PRKCZ: variants seen among roughly 807,000 people sequenced by gnomAD.
PRKCZ encodes the protein protein kinase C zeta type.
PRKCZ carries 33 observed loss-of-function variants against 79.5 expected under a neutral mutation model. That is an observed-to-expected ratio of 0.41 (90% CI 0.31 to 0.55). The LOEUF is 0.55. Ranked by LOEUF, PRKCZ falls within the 20% of genes least tolerant of loss-of-function variation. The probability of loss-of-function intolerance (pLI) is 0.19; values close to 1 mark genes in which losing one functional copy is unlikely to be tolerated. For missense variants in PRKCZ, 578 were observed against 813.5 expected (o/e 0.71, Z 3.52); for synonymous variants, 342 against 320.9 (o/e 1.07, Z -0.70).
In PRKCZ at chr1:2,119,789, CT is replaced by C. The variant is rs61129873; in HGVS notation, c.335-15459del. Among the ~76,000 whole-genome samples, 460 of 136,382 alleles carry C rather than the reference CT, an allele frequency of 3.4e-3. 1 individual carries two copies. Among genetic ancestry groups the C allele is most frequent in the Non-Finnish European group, 4.4e-3 (281 of 64,208 alleles). The allele number at this position is 136,382 out of a possible 152,430, so 89.5% of individuals were successfully genotyped here. A position where few individuals can be genotyped will look rare whatever the true frequency, so the allele number is the denominator to read the frequency against. ...TAATTCTTTTTATTTCTTTTCTTTT[CT>C]TTTTTTTTTTTTTGAGATGGATTTT... On this transcript the variant is annotated intron_variant, in intron 4 of 17. Coordinates refer to ENST00000378567, the MANE Select transcript of PRKCZ (RefSeq NM_002744.6).
At chr1:2,095,015 C>T (rs1666210587) in intron 4 of PRKCZ, among the ~76,000 whole-genome samples, 1 of 152,176 alleles carries the variant, frequency 6.6e-6, no homozygotes, top group African/African-American at 2.4e-5. Flanking sequence ...CAGACACTGA[C>T]TGTCACCCCA....
At chr1:2,085,325 C>T (rs996779688) in intron 4 of PRKCZ, among the ~76,000 whole-genome samples, 4 of 152,236 alleles carry the variant, frequency 2.6e-5, no homozygotes, top group Admixed American at 2.6e-4. Context: ...TGGCCCCGAG[C>T]CAGCAGCTTT....
At chr1:2,063,106 CT>C (rs1331560087) in intron 4 of PRKCZ, among the ~76,000 whole-genome samples, 1 of 152,118 alleles carries the variant, frequency 6.6e-6, no homozygotes, top group Non-Finnish European at 1.5e-5. Flanking sequence ...TCACAGTCTC[CT>C]TCCTTCTCAA....
intron 4 of PRKCZ, chr1:2,074,025 T>A (rs1661920152): frequency 2.1e-6 from 3 of 1,432,870 alleles, no homozygotes; most frequent in Non-Finnish European, 2.7e-6. Flanking sequence ...GGTGCCCGAG[T>A]CAGCATTTTG....
At chr1:2,073,819 G>A in intron 4 of PRKCZ, 1 of 1,034,298 alleles carries the variant, frequency 9.7e-7, no homozygotes, top group Non-Finnish European at 1.2e-6. Flanking sequence ...CGGGGCCGGA[G>A]GCGAGCCGAC....
intron 4 of PRKCZ, among the ~76,000 whole-genome samples, chr1:2,079,238 G>A (rs966262048): frequency 2.0e-5 from 3 of 152,208 alleles, no homozygotes; most frequent in South Asian, 2.1e-4. Context: ...GAAGCACCGC[G>A]GTATCATGTG....
chr1:2,108,937 CCCGCCTTCTCCGGCGTCTGAAG>C (rs1669150878), intron 4 of PRKCZ, among the ~76,000 whole-genome samples: 1 of 152,178 alleles, frequency 6.6e-6, no homozygotes, highest in Non-Finnish European at 1.5e-5. Context: ...GACCCCGTTT[CCCGCCTTCTCCGGCGTCTGAAG>C]CCGCCTGCCC....
intron 4 of PRKCZ, among the ~76,000 whole-genome samples, chr1:2,130,064 G>A (rs909369369): frequency 2.0e-5 from 3 of 151,986 alleles, no homozygotes; most frequent in African/African-American, 7.3e-5. Flanking sequence ...CACCACACTC[G>A]GCTCATTTTT....
chr1:2,118,579 C>T (rs529031312), intron 4 of PRKCZ, among the ~76,000 whole-genome samples: 25 of 152,116 alleles, frequency 1.6e-4, no homozygotes, highest in Middle Eastern at 3.4e-3. Context: ...CCTCCTGATC[C>T]GCCTGCTTCG....
intron 4 of PRKCZ, among the ~76,000 whole-genome samples, chr1:2,110,118 G>A (rs997006103): frequency 1.1e-4 from 10 of 95,234 alleles, no homozygotes; most frequent in African/African-American, 4.4e-4. Context: ...GGCTGAATCC[G>A]GGGCCCTCCC....
chr1:2,143,334 T>G (rs962551056), intron 5 of PRKCZ: 13 of 152,376 alleles, frequency 8.5e-5, no homozygotes, highest in African/African-American at 3.1e-4. Flanking sequence ...CGGCCTATAT[T>G]TCCTCGTCTT....
In PRKCZ at chr1:2,185,161, T is replaced by G; in HGVS notation, c.*152T>G. On this transcript the variant is annotated 3_prime_UTR_variant, in exon 18 of 18. Coordinates refer to ENST00000378567, the MANE Select transcript of PRKCZ (RefSeq NM_002744.6). ...CGCAGAGGGAAGCGTCAGCGGGCGC[T>G]GCTGGGAGCAGAACAGTCCCTCACA... 1 of 778,838 alleles carries G rather than the reference T, an allele frequency of 1.3e-6. No homozygotes were observed. The highest frequency in any genetic ancestry group is 2.1e-5 in the Admixed American group (1 of 48,098). The allele number at this position is 778,838 out of a possible 1,614,324, so 48.2% of individuals were successfully genotyped here. A position where few individuals can be genotyped will look rare whatever the true frequency, so the allele number is the denominator to read the frequency against.
Position 2,176,390 on chromosome 1 carries a change from C to T in PRKCZ, c.1575+1077C>T, listed in dbSNP as rs1479592775. On this transcript the variant is annotated intron_variant, in intron 16 of 17. Transcript: ENST00000378567. ...CAGTCTCCACCCAGGATGTTTCCAGCGCCGCTCGGTCGTGGGTTCTGTGTG... is the reference window on the plus strand; with the variant it reads ...CAGTCTCCACCCAGGATGTTTCCAGTGCCGCTCGGTCGTGGGTTCTGTGTG... Among the ~76,000 whole-genome samples the T allele has an allele frequency of 5.3e-5, 8 of 152,204 alleles. No homozygotes were observed. In the Middle Eastern group the frequency reaches 0.014, roughly 259 times the overall value.
chr1:2,147,839 G>C (rs1042665630), intron 7 of PRKCZ, among the ~76,000 whole-genome samples: 2 of 126,376 alleles, frequency 1.6e-5, no homozygotes, highest in African/African-American at 5.9e-5. Flanking sequence ...GTCTCCATCT[G>C]TCCATCTATC....
chr1:2,181,244 C>T (rs996858014), intron 16 of PRKCZ, among the ~76,000 whole-genome samples: 4 of 152,224 alleles, frequency 2.6e-5, no homozygotes, highest in African/African-American at 9.7e-5. Context: ...CACACACCCA[C>T]TATGGGGCCT....
At chr1:2,113,989 C>T (rs1217807341) in intron 4 of PRKCZ, among the ~76,000 whole-genome samples, 3 of 152,194 alleles carry the variant, frequency 2.0e-5, no homozygotes, top group South Asian at 2.1e-4. Flanking sequence ...AAGGGCTCCA[C>T]GGGGCTGGCT....
intron 4 of PRKCZ, among the ~76,000 whole-genome samples, chr1:2,061,033 G>A (rs1448890694): frequency 6.6e-6 from 1 of 152,210 alleles, no homozygotes; most frequent in South Asian, 2.1e-4. Flanking sequence ...TGGGTGAGAC[G>A]ATGGTTGTCC....
At chr1:2,184,184 C>A in intron 16 of PRKCZ, 1 of 193,020 alleles carries the variant, frequency 5.2e-6, no homozygotes, top group African/African-American at 2.4e-5. Flanking sequence ...AGTGCCAGCG[C>A]AGGCAGGGTG....
chr1:2,137,547 G>A (rs1420163875), intron 5 of PRKCZ, among the ~76,000 whole-genome samples: 1 of 152,144 alleles, frequency 6.6e-6, no homozygotes, highest in Admixed American at 6.5e-5. Flanking sequence ...TCCTGTGCTG[G>A]CAGAGGAACC....
Sources: allele counts gnomAD v4.1 joint callset (sites outside exome capture counted in the v4.1 genomes callset), GRCh38; gene constraint gnomAD v4.1.1; transcripts MANE v1.5; gene names NCBI Gene and HGNC (gene_info 2026-07-23, HGNC 2026-07-21).